Variants in LARS2 observed in about 807,000 individuals in gnomAD.
LARS2 encodes leucine--tRNA ligase, mitochondrial.
A neutral mutation model predicts 116.6 loss-of-function variants in LARS2; 81 were observed. That is an observed-to-expected ratio of 0.69 (90% confidence interval 0.58 to 0.84). The LOEUF is 0.84. Ranked by LOEUF, LARS2 falls within the 40% of genes least tolerant of loss-of-function variation. LARS2 has a pLI of 0.00. For missense variants in LARS2, 968 were observed against 1,114.5 expected (o/e 0.87, Z 1.87); for synonymous variants, 396 against 407.2 (o/e 0.97, Z 0.33).
chr3:45,485,060 G>A (rs1699782769), intron 10 of LARS2, among the ~76,000 whole-genome samples: 1 of 151,964 alleles, frequency 6.6e-6, no homozygotes, highest in Non-Finnish European at 1.5e-5. Flanking sequence ...CTGCAACCTG[G>A]CCTATTAGAA....
At chr3:45,546,057 C>T (rs1401149671) in intron 21 of LARS2, among the ~76,000 whole-genome samples, 3 of 152,178 alleles carry the variant, frequency 2.0e-5, no homozygotes, top group African/African-American at 7.2e-5. Context: ...ACCATGCTCC[C>T]CCTCACCCAG....
chr3:45,391,688 T>G (rs1680102978), intron 2 of LARS2, 40 bp downstream of exon 2: 1 of 152,230 alleles, frequency 6.6e-6, no homozygotes, highest in African/African-American at 2.4e-5. Context: ...ATTTGTTGAA[T>G]AATCTATTAC....
intron 10 of LARS2, among the ~76,000 whole-genome samples, chr3:45,480,583 C>G (rs1699682538): frequency 6.6e-6 from 1 of 152,196 alleles, no homozygotes; most frequent in East Asian, 1.9e-4. Context: ...TCCTGCATCA[C>G]ATCACTAGCA....
rs1452014852 is a variant in LARS2, at chr3:45,549,400, T to A, written c.*1870T>A. The A allele has an allele frequency of 1.3e-5, 2 of 152,244 alleles. No homozygotes were observed. Among genetic ancestry groups the A allele is most frequent in the East Asian group, 1.9e-4 (1 of 5,202 alleles). 9.4% of individuals were successfully genotyped at this position (152,244 alleles called of 1,614,324 possible). ...TGAATATGGATTAAATATAAGCCCA[T>A]GAAAATATTTGGTACAAGGAAGGAG... On this transcript the variant is annotated 3_prime_UTR_variant, in exon 22 of 22. Coordinates refer to ENST00000645846, the MANE Select transcript of LARS2 (RefSeq NM_015340.4).
chr3:45,422,257 G>C (rs918952560), intron 6 of LARS2: 1 of 152,032 alleles, frequency 6.6e-6, no homozygotes, highest in African/African-American at 2.4e-5. Flanking sequence ...ATTTGAACAG[G>C]GTATGTATGT....
chr3:45,503,958 C>T (rs545295827), intron 15 of LARS2, among the ~76,000 whole-genome samples: 3 of 152,160 alleles, frequency 2.0e-5, no homozygotes, highest in East Asian at 1.9e-4. Context: ...CCTATCCCCA[C>T]GTGTGTTTTT....
In LARS2 at chr3:45,419,958, G is replaced by A. The variant is rs570683321; in HGVS notation, c.516+229G>A. On this transcript the variant is annotated intron_variant, in intron 6 of 21. Transcript: ENST00000645846. The stretch of plus-strand genomic sequence containing the variant: ...AACTTCCTATTTAACTTTGGAGTTG[G>A]CTATGATTTCTGTGTGGCAAAAGCT... Among the ~76,000 whole-genome samples, 138 of 152,300 alleles carry A rather than the reference G, an allele frequency of 9.1e-4. 1 individual carries two copies. Among genetic ancestry groups the A allele is most frequent in the Non-Finnish European group, 2.5e-4 (17 of 68,026 alleles).
intron 7 of LARS2, among the ~76,000 whole-genome samples, chr3:45,451,514 A>G (rs1251168007): frequency 6.6e-6 from 1 of 152,090 alleles, no homozygotes; most frequent in African/African-American, 2.4e-5. Context: ...GTTGACTGTA[A>G]GTGCATGGAT....
At chr3:45,396,441 A>C (rs1284147247) in intron 3 of LARS2, among the ~76,000 whole-genome samples, 2 of 152,240 alleles carry the variant, frequency 1.3e-5, no homozygotes, top group African/African-American at 4.8e-5. Flanking sequence ...CATTTTACAA[A>C]CTGAAGTGGT....
At chr3:45,437,291 T>C (rs977922382) in intron 6 of LARS2, among the ~76,000 whole-genome samples, 1 of 152,246 alleles carries the variant, frequency 6.6e-6, no homozygotes, top group African/African-American at 2.4e-5. Flanking sequence ...CATTAAATGC[T>C]CATTTTCAGC....
Position 45,485,836 on chromosome 3 carries a change from G to C in LARS2, c.1123+40G>C. 3 of 1,320,424 alleles carry C rather than the reference G, an allele frequency of 2.3e-6. No individual in the cohort carries two copies. The South Asian group carries it at 3.7e-5, about 16-fold the overall frequency. 81.8% of individuals were successfully genotyped at this position (1,320,424 alleles called of 1,614,324 possible). A position where few individuals can be genotyped will look rare whatever the true frequency, so the allele number is the denominator to read the frequency against. The stretch of plus-strand genomic sequence containing the variant: ...AAATGTAACCACAACGGTATATTTT[G>C]CAGATTTAGAATCAAAATACTCCCC... On this transcript the variant is annotated intron_variant, in intron 11 of 21. Coordinates refer to ENST00000645846, the MANE Select transcript of LARS2 (RefSeq NM_015340.4).
At chr3:45,440,103 G>A (rs1356035740) in intron 6 of LARS2, among the ~76,000 whole-genome samples, 3 of 152,192 alleles carry the variant, frequency 2.0e-5, no homozygotes, top group African/African-American at 7.2e-5. Flanking sequence ...TCATGAGCCT[G>A]TCTCTCCCTC....
chr3:45,535,916 A>G (rs1700698565), intron 20 of LARS2, among the ~76,000 whole-genome samples: 1 of 152,188 alleles, frequency 6.6e-6, no homozygotes, highest in African/African-American at 2.4e-5. Context: ...TGAAGGGTGC[A>G]CAGGACCTCA....
chr3:45,482,323 A>G (rs1274889582), intron 10 of LARS2, among the ~76,000 whole-genome samples: 1 of 152,120 alleles, frequency 6.6e-6, no homozygotes, highest in Non-Finnish European at 1.5e-5. Context: ...GTGACCATTT[A>G]TGTCCACATG....
intron 14 of LARS2, among the ~76,000 whole-genome samples, chr3:45,499,510 T>C (rs191907823): frequency 6.6e-5 from 10 of 151,918 alleles, no homozygotes; most frequent in African/African-American, 2.2e-4. Context: ...TAGTCCTAGA[T>C]ACTTGGGAGG....
intron 16 of LARS2, among the ~76,000 whole-genome samples, chr3:45,515,868 G>A (rs950179943): frequency 6.6e-6 from 1 of 152,322 alleles, no homozygotes; most frequent in East Asian, 1.9e-4. Context: ...TAACTGTCCT[G>A]TTTATTCGCG....
intron 20 of LARS2, among the ~76,000 whole-genome samples, chr3:45,524,345 GT>G (rs1329747987): frequency 6.6e-6 from 1 of 152,130 alleles, no homozygotes; most frequent in Non-Finnish European, 1.5e-5. Flanking sequence ...TAATGTGGGT[GT>G]TGATGTTACC....
intron 6 of LARS2, among the ~76,000 whole-genome samples, chr3:45,424,577 C>T (rs1273005486): frequency 6.6e-6 from 1 of 152,156 alleles, no homozygotes; most frequent in Non-Finnish European, 1.5e-5. Context: ...ACCACCACCA[C>T]CTGATCCGTT....
chr3:45,492,836 C>A (rs935178448), intron 13 of LARS2, among the ~76,000 whole-genome samples: 9 of 152,166 alleles, frequency 5.9e-5, no homozygotes, highest in Non-Finnish European at 1.2e-4. Flanking sequence ...CTCACTGAGG[C>A]AGTTTTGAAA....
Sources: gnomAD v4.1 joint callset for allele counts (sites outside exome capture counted in the v4.1 genomes callset) on GRCh38, gnomAD v4.1.1 for gene constraint, MANE v1.5 for transcripts, NCBI Gene and HGNC (gene_info 2026-07-23, HGNC 2026-07-21) for gene names.